Variants in CNTNAP5 observed in about 807,000 individuals in gnomAD.
The protein encoded by CNTNAP5 is contactin-associated protein-like 5.
A neutral mutation model predicts 150.2 loss-of-function variants in CNTNAP5; 72 were observed. That is an observed-to-expected ratio of 0.48 (90% CI 0.40 to 0.58). CNTNAP5 has a LOEUF of 0.58. Among genes scored for constraint, CNTNAP5 ranks in the 20% least tolerant of loss-of-function variants. CNTNAP5 has a pLI of 0.00. For missense variants in CNTNAP5, 1,636 were observed against 1,626.2 expected, an observed-to-expected ratio of 1.01 and a Z score of -0.10; for synonymous variants, 672 against 619.8, an observed-to-expected ratio of 1.08 and a Z score of -1.25.
intron 3 of CNTNAP5, among the ~76,000 whole-genome samples, chr2:124,380,166 T>C (rs1196591355): frequency 6.6e-6 from 1 of 152,186 alleles, no homozygotes; most frequent in Non-Finnish European, 1.5e-5. Context: ...TTATTAAGCT[T>C]ATTAATAGCT....
intron 12 of CNTNAP5, among the ~76,000 whole-genome samples, chr2:124,621,534 G>C (rs72972596): frequency 6.6e-6 from 1 of 152,190 alleles, no homozygotes; most frequent in African/African-American, 2.4e-5. Flanking sequence ...GCATAATGGA[G>C]TAGGTAGAAA....
At chr2:124,621,121 C>T (rs1265950734) in intron 12 of CNTNAP5, among the ~76,000 whole-genome samples, 1 of 152,124 alleles carries the variant, frequency 6.6e-6, no homozygotes. Context: ...ACTCAGTTTA[C>T]ATTGTGCCTT....
intron 1 of CNTNAP5, among the ~76,000 whole-genome samples, chr2:124,217,713 T>A (rs2104734938): frequency 6.6e-6 from 1 of 152,270 alleles, no homozygotes; most frequent in South Asian, 2.1e-4. Context: ...ATCCCAGAAA[T>A]AAAATCATTA....
intron 7 of CNTNAP5, among the ~76,000 whole-genome samples, chr2:124,497,912 G>A (rs982524188): frequency 2.0e-5 from 3 of 152,128 alleles, no homozygotes; most frequent in Non-Finnish European, 2.9e-5. Flanking sequence ...AAATTCATTC[G>A]ATTGGTTCTG....
intron 11 of CNTNAP5, among the ~76,000 whole-genome samples, chr2:124,608,831 G>C (rs965989388): frequency 2.0e-5 from 3 of 151,802 alleles, no homozygotes; most frequent in Admixed American, 6.6e-5. Context: ...TGTAATCTCA[G>C]CTACTCAGGA....
Position 124,043,165 on chromosome 2 carries a change from T to C in CNTNAP5, c.82+17433T>C, listed in dbSNP as rs115737654. Among the ~76,000 whole-genome samples the C allele has an allele frequency of 1.8e-3, 271 of 152,314 alleles. 2 individuals carry two copies. Among genetic ancestry groups the C allele is most frequent in the Admixed American group, 3.1e-3 (47 of 15,292 alleles). Reference sequence around the variant, plus strand: ...AATCAGAAGTAAGAGACTGCTGGGTTGGGAAAAGGACCTTGGAAGTGATGT... The same window carrying C: ...AATCAGAAGTAAGAGACTGCTGGGTCGGGAAAAGGACCTTGGAAGTGATGT... On this transcript the variant is annotated intron_variant, in intron 1 of 23. Coordinates refer to ENST00000682447, the MANE Select transcript of CNTNAP5 (RefSeq NM_001367498.1).
At chr2:124,861,344 G>A (rs918439699) in intron 19 of CNTNAP5, among the ~76,000 whole-genome samples, 5 of 151,974 alleles carry the variant, frequency 3.3e-5, no homozygotes, top group East Asian at 1.9e-4. Flanking sequence ...AGGCTGAGAC[G>A]GGTGGATCAC....
At chr2:124,772,629 C>T (rs575321996) in intron 16 of CNTNAP5, among the ~76,000 whole-genome samples, 170 bp from the exon 17 acceptor site, 2 of 152,286 alleles carry the variant, frequency 1.3e-5, no homozygotes, top group African/African-American at 4.8e-5. Context: ...CAAGTATACA[C>T]ATTTAATTTG....
chr2:124,455,522 A>T (rs1257810087), intron 6 of CNTNAP5, among the ~76,000 whole-genome samples: 2 of 152,100 alleles, frequency 1.3e-5, no homozygotes, highest in Non-Finnish European at 2.9e-5. Context: ...AGATAGAGAA[A>T]GAGACATGAT....
At chr2:124,126,824 A>G (rs560053382) in intron 1 of CNTNAP5, among the ~76,000 whole-genome samples, 13 of 152,318 alleles carry the variant, frequency 8.5e-5, no homozygotes, top group South Asian at 4.1e-4. Flanking sequence ...GATTGTCTCA[A>G]TAGATGCAGA....
At chr2:124,627,555 C>A (rs1405219369) in intron 12 of CNTNAP5, among the ~76,000 whole-genome samples, 14 of 150,694 alleles carry the variant, frequency 9.3e-5, no homozygotes, top group Non-Finnish European at 2.1e-4. Flanking sequence ...ACAAAAACCC[C>A]ATCCAAAGTT....
At chr2:124,537,924 C>T (rs955557067) in intron 10 of CNTNAP5, among the ~76,000 whole-genome samples, 9 of 152,140 alleles carry the variant, frequency 5.9e-5, no homozygotes, top group African/African-American at 2.2e-4. Context: ...GCTGAGCAAG[C>T]CAGGTTGGCA....
intron 1 of CNTNAP5, among the ~76,000 whole-genome samples, chr2:124,147,670 G>A (rs147164955): frequency 6.6e-6 from 1 of 152,340 alleles, no homozygotes; most frequent in East Asian, 1.9e-4. Context: ...GTTTGAAACA[G>A]CTCCATTGAG....
At position 124,353,892 on chromosome 2, in the gene CNTNAP5, G is replaced by GAT. The variant is rs1206128587; in HGVS notation, c.382-63550_382-63549insTA. On this transcript the variant is annotated intron_variant, in intron 3 of 23. Coordinates refer to ENST00000682447, the MANE Select transcript of CNTNAP5 (RefSeq NM_001367498.1). Reference sequence around the variant, plus strand: ...GGACAGGTCAGATCACATTTCAGTTGAAGGGAGTTCATGCATTTGATAAAT... The same window carrying GAT: ...GGACAGGTCAGATCACATTTCAGTTGATAAGGGAGTTCATGCATTTGATAAAT... Among the ~76,000 whole-genome samples, 109 of 152,262 alleles carry GAT rather than the reference G, an allele frequency of 7.2e-4. 2 individuals carry two copies. In the East Asian group the frequency reaches 0.019, roughly 26 times the overall value.
At chr2:124,077,862 C>G (rs1558747291) in intron 1 of CNTNAP5, among the ~76,000 whole-genome samples, 1 of 152,168 alleles carries the variant, frequency 6.6e-6, no homozygotes. Context: ...GAGATTCAAA[C>G]TGAGAACTAT....
intron 21 of CNTNAP5, among the ~76,000 whole-genome samples, chr2:124,890,932 A>G (rs1483473299): frequency 6.6e-6 from 1 of 152,066 alleles, no homozygotes; most frequent in African/African-American, 2.4e-5. Flanking sequence ...AGTGCTGTGT[A>G]TTTACCATGT....
intron 10 of CNTNAP5, among the ~76,000 whole-genome samples, chr2:124,538,667 AAAGAAAGGAAGG>A (rs995650624): frequency 1.3e-5 from 2 of 151,982 alleles, no homozygotes; most frequent in African/African-American, 4.8e-5. Context: ...GGAAGGAAAG[AAAGAAAGGAAGG>A]AAGAAAGGAA....
intron 3 of CNTNAP5, among the ~76,000 whole-genome samples, chr2:124,329,625 C>T (rs1264129860): frequency 1.3e-5 from 2 of 151,586 alleles, no homozygotes; most frequent in African/African-American, 2.4e-5. Flanking sequence ...AGTTGGTGGC[C>T]GTGAAGAAAA....
At chr2:124,826,487 A>C (rs1000383334) in intron 19 of CNTNAP5, among the ~76,000 whole-genome samples, 17 of 152,098 alleles carry the variant, frequency 1.1e-4, no homozygotes, top group Non-Finnish European at 2.1e-4. Flanking sequence ...CTGGCCCCTG[A>C]TCACTTTATT....
Sources: allele counts gnomAD v4.1 joint callset (sites outside exome capture counted in the v4.1 genomes callset), GRCh38; gene constraint gnomAD v4.1.1; transcripts MANE v1.5; gene names NCBI Gene and HGNC (gene_info 2026-07-23, HGNC 2026-07-21).